The following EEFSEC variants were observed in gnomAD, a reference collection of about 807,000 sequenced individuals.
The protein encoded by EEFSEC is eukaryotic elongation factor, selenocysteine-tRNA specific.
A neutral mutation model predicts 42.1 loss-of-function variants in EEFSEC; 43 were observed. The ratio of observed to expected loss-of-function variants is 1.02; its 90% CI spans 0.80 to 1.32. EEFSEC has a LOEUF of 1.32. Ranked by LOEUF, EEFSEC falls within the 40% of genes most tolerant of loss-of-function variation. The pLI, the probability that EEFSEC is intolerant of heterozygous loss-of-function variation, is 0.00. For synonymous variants in EEFSEC, 354 were observed against 339.1 expected (o/e 1.04, Z -0.48); for missense variants, 745 against 803.6 (o/e 0.93, Z 0.88).
intron 1 of EEFSEC, among the ~76,000 whole-genome samples, chr3:128,188,975 G>C (rs2065492656): frequency 6.6e-6 from 1 of 152,220 alleles, no homozygotes; most frequent in South Asian, 2.1e-4. Flanking sequence ...AGTTGGACAG[G>C]TAGGGGTAGA....
At chr3:128,197,316 G>A (rs926164268) in intron 1 of EEFSEC, among the ~76,000 whole-genome samples, 2 of 152,130 alleles carry the variant, frequency 1.3e-5, no homozygotes, top group Non-Finnish European at 2.9e-5. Flanking sequence ...CTGTTGCCAC[G>A]CTGTAGTGCA....
chr3:128,378,721 G>A (rs1247522499), intron 6 of EEFSEC, among the ~76,000 whole-genome samples: 1 of 152,214 alleles, frequency 6.6e-6, no homozygotes, highest in Non-Finnish European at 1.5e-5. Flanking sequence ...CAGGCTGGCT[G>A]CTGGCCCCAG....
At chr3:128,203,289 C>T (rs1262607569) in intron 1 of EEFSEC, among the ~76,000 whole-genome samples, 1 of 152,214 alleles carries the variant, frequency 6.6e-6, no homozygotes, top group African/African-American at 2.4e-5. Context: ...TATATCATGG[C>T]AAAGTCCAAG....
intron 6 of EEFSEC, among the ~76,000 whole-genome samples, chr3:128,399,112 A>T (rs1181175538): frequency 1.3e-5 from 2 of 150,904 alleles, no homozygotes; most frequent in Non-Finnish European, 2.9e-5. Context: ...ATAAAATAAA[A>T]AAAAACCCTT....
chr3:128,247,522 T>G (rs1041709789), intron 2 of EEFSEC, among the ~76,000 whole-genome samples: 1 of 152,352 alleles, frequency 6.6e-6, no homozygotes, highest in South Asian at 2.1e-4. Flanking sequence ...GGTAGATGAC[T>G]GGTTGTTTCT....
At chr3:128,310,663 A>G (rs1301521669) in intron 4 of EEFSEC, among the ~76,000 whole-genome samples, 3 of 152,250 alleles carry the variant, frequency 2.0e-5, no homozygotes, top group South Asian at 2.1e-4. Flanking sequence ...GAAAGGCTTT[A>G]CAAAATAGTA....
At chr3:128,406,950 A>G (rs565358553) in intron 6 of EEFSEC, among the ~76,000 whole-genome samples, 6 of 151,648 alleles carry the variant, frequency 4.0e-5, no homozygotes, top group African/African-American at 1.5e-4. Context: ...GACAAGCTCC[A>G]GAGAAAGGGC....
chr3:128,303,945 T>C (rs1437115569), intron 4 of EEFSEC, among the ~76,000 whole-genome samples: 1 of 152,174 alleles, frequency 6.6e-6, no homozygotes, highest in Non-Finnish European at 1.5e-5. Flanking sequence ...TACTCCCGAT[T>C]TAAAATGCTA....
At chr3:128,288,772 TGGATG>T (rs2066612718) in intron 4 of EEFSEC, among the ~76,000 whole-genome samples, 1 of 152,224 alleles carries the variant, frequency 6.6e-6, no homozygotes, top group African/African-American at 2.4e-5. Context: ...AAGAATAACT[TGGATG>T]CCAGAACCAA....
chr3:128,354,100 A>C (rs967257057), intron 5 of EEFSEC, among the ~76,000 whole-genome samples: 3 of 152,156 alleles, frequency 2.0e-5, no homozygotes, highest in African/African-American at 7.2e-5. Flanking sequence ...CTGTGAAATG[A>C]CAGTGTGGGG....
intron 4 of EEFSEC, among the ~76,000 whole-genome samples, chr3:128,283,455 C>T (rs2066550885): frequency 6.6e-6 from 1 of 152,184 alleles, no homozygotes; most frequent in Admixed American, 6.5e-5. Context: ...GTACTGTCTC[C>T]TTCCATGCAC....
intron 1 of EEFSEC, among the ~76,000 whole-genome samples, chr3:128,235,527 C>T (rs2065999550): frequency 6.6e-6 from 1 of 152,236 alleles, no homozygotes; most frequent in Admixed American, 6.5e-5. Context: ...TTGCTATAAC[C>T]ATTTTCTTCT....
chr3:128,180,236 C>T (rs948531661), intron 1 of EEFSEC, among the ~76,000 whole-genome samples: 2 of 152,168 alleles, frequency 1.3e-5, no homozygotes, highest in South Asian at 2.1e-4. Flanking sequence ...GACAAAACTA[C>T]GAAGGACTTC....
chr3:128,402,893 G>A (rs1559960906), intron 6 of EEFSEC, among the ~76,000 whole-genome samples: 2 of 152,214 alleles, frequency 1.3e-5, no homozygotes, highest in East Asian at 3.9e-4. Context: ...CACTCCAGGT[G>A]TTAGGGTTAC....
intron 1 of EEFSEC, among the ~76,000 whole-genome samples, chr3:128,167,126 G>A (rs1469325426): frequency 2.0e-5 from 3 of 152,098 alleles, no homozygotes; most frequent in Admixed American, 6.5e-5. Context: ...TTCTGGCTAC[G>A]TGCACTTTTC....
chr3:128,288,974 G>C (rs1246946913), intron 4 of EEFSEC, among the ~76,000 whole-genome samples: 1 of 152,238 alleles, frequency 6.6e-6, no homozygotes, highest in Non-Finnish European at 1.5e-5. Context: ...GGCCTTTGCA[G>C]TTGGAGTAAT....
chr3:128,352,264 G>C (rs2067396687), intron 5 of EEFSEC, among the ~76,000 whole-genome samples: 1 of 152,188 alleles, frequency 6.6e-6, no homozygotes, highest in South Asian at 2.1e-4. Flanking sequence ...TAGGAATGTA[G>C]GAGCTGTCTC....
At chr3:128,344,668 G>A (rs536793940) in intron 5 of EEFSEC, among the ~76,000 whole-genome samples, 17 of 152,224 alleles carry the variant, frequency 1.1e-4, no homozygotes, top group Admixed American at 4.6e-4. Context: ...TGAAAAGCTC[G>A]AATCTCCTTG....
At chr3:128,216,770 C>A (rs2065814844) in intron 1 of EEFSEC, among the ~76,000 whole-genome samples, 1 of 152,222 alleles carries the variant, frequency 6.6e-6, no homozygotes, top group African/African-American at 2.4e-5. Context: ...CTAGAGCACT[C>A]TTGGGACAGA....
Sources: gnomAD v4.1 joint callset for allele counts (sites outside exome capture counted in the v4.1 genomes callset) on GRCh38, gnomAD v4.1.1 for gene constraint, MANE v1.5 for transcripts, NCBI Gene and HGNC (gene_info 2026-07-23, HGNC 2026-07-21) for gene names.